Variants in TMPRSS11D observed in about 807,000 individuals in gnomAD.
TMPRSS11D encodes transmembrane serine protease 11D.
TMPRSS11D carries 32 observed loss-of-function variants against 44.4 expected under a neutral mutation model. The ratio of observed to expected loss-of-function variants is 0.72; its 90% CI spans 0.54 to 0.97. The LOEUF is 0.97. TMPRSS11D is among the 50% of genes least tolerant of loss of function. The probability of loss-of-function intolerance (pLI) is 0.00; values close to 1 mark genes in which losing one functional copy is unlikely to be tolerated. For synonymous variants in TMPRSS11D, 179 were observed against 177.9 expected (o/e 1.01, Z -0.05); for missense variants, 446 against 502.6 (o/e 0.89, Z 1.08).
At chr4:67,832,524 A>G (rs1717972127) in intron 7 of TMPRSS11D, among the ~76,000 whole-genome samples, 1 of 151,882 alleles carries the variant, frequency 6.6e-6, no homozygotes, top group Non-Finnish European at 1.5e-5. Context: ...AGTCACCTCA[A>G]TTAAGAATTC....
At chr4:67,854,769 G>C (rs1249046121) in intron 2 of TMPRSS11D, among the ~76,000 whole-genome samples, 2 of 152,174 alleles carry the variant, frequency 1.3e-5, no homozygotes, top group African/African-American at 2.4e-5. Flanking sequence ...GATTGAATCA[G>C]TAGTAAAATA....
At chr4:67,823,564 T>C (rs149998357) in intron 9 of TMPRSS11D, among the ~76,000 whole-genome samples, 23 of 152,272 alleles carry the variant, frequency 1.5e-4, no homozygotes, top group Non-Finnish European at 2.4e-4. Context: ...TAGCATATAG[T>C]ATAGTCAGTA....
intron 7 of TMPRSS11D, among the ~76,000 whole-genome samples, chr4:67,831,063 TA>T (rs1285271766): frequency 1.3e-5 from 2 of 152,066 alleles, no homozygotes; most frequent in Non-Finnish European, 2.9e-5. Flanking sequence ...TCTCCAGGAA[TA>T]AAAATATAAG....
intron 1 of TMPRSS11D, among the ~76,000 whole-genome samples, chr4:67,866,648 CA>C (rs1191466765): frequency 2.0e-5 from 3 of 151,884 alleles, no homozygotes; most frequent in African/African-American, 7.2e-5. Context: ...TCTCGGGATA[CA>C]AAATCAATGT....
chr4:67,852,319 C>G (rs558769726), intron 3 of TMPRSS11D, among the ~76,000 whole-genome samples: 46 of 152,242 alleles, frequency 3.0e-4, no homozygotes, highest in African/African-American at 1.1e-3. Context: ...GCACTGAAAG[C>G]TTTGAGTGGG....
At chr4:67,879,145 C>A (rs531149473) in intron 1 of TMPRSS11D, among the ~76,000 whole-genome samples, 1 of 152,022 alleles carries the variant, frequency 6.6e-6, no homozygotes, top group South Asian at 2.1e-4. Flanking sequence ...TGTAATATTG[C>A]AAACCATGAG....
intron 1 of TMPRSS11D, among the ~76,000 whole-genome samples, chr4:67,872,850 A>G (rs1309257630): frequency 6.6e-6 from 1 of 152,198 alleles, no homozygotes; most frequent in Non-Finnish European, 1.5e-5. Context: ...TGTTACACAT[A>G]ATGGTTAAAA....
chr4:67,862,120 T>C (rs987092724), intron 1 of TMPRSS11D, among the ~76,000 whole-genome samples: 1 of 152,132 alleles, frequency 6.6e-6, no homozygotes, highest in Non-Finnish European at 1.5e-5. Context: ...TCACTCTTTC[T>C]CTTTTTTATT....
chr4:67,872,052 G>T (rs1306202949), intron 1 of TMPRSS11D, among the ~76,000 whole-genome samples: 1 of 152,048 alleles, frequency 6.6e-6, no homozygotes, highest in African/African-American at 2.4e-5. Context: ...GTTAGTTAGG[G>T]ATAGCCCAAC....
chr4:67,878,126 T>G (rs1719238071), intron 1 of TMPRSS11D, among the ~76,000 whole-genome samples: 1 of 152,234 alleles, frequency 6.6e-6, no homozygotes, highest in Non-Finnish European at 1.5e-5. Context: ...CTTAATATAG[T>G]CTTCAAAAAC....
intron 1 of TMPRSS11D, among the ~76,000 whole-genome samples, chr4:67,871,846 TA>T (rs1308282238): frequency 6.6e-6 from 1 of 152,174 alleles, no homozygotes; most frequent in East Asian, 1.9e-4. Flanking sequence ...CAAAGGGAAA[TA>T]TTTTTTTCTG....
intron 3 of TMPRSS11D, among the ~76,000 whole-genome samples, chr4:67,846,301 A>ACAATATC (rs1718355710): frequency 6.6e-6 from 1 of 152,082 alleles, no homozygotes; most frequent in Non-Finnish European, 1.5e-5. Context: ...TACATTACTA[A>ACAATATC]CAATATCCAT....
chr4:67,880,605 T>C (rs2109707865), intron 1 of TMPRSS11D, among the ~76,000 whole-genome samples: 1 of 152,280 alleles, frequency 6.6e-6, no homozygotes, highest in South Asian at 2.1e-4. Flanking sequence ...AGGAAAAATA[T>C]ACTCGGTGGC....
intron 1 of TMPRSS11D, among the ~76,000 whole-genome samples, chr4:67,873,984 T>A (rs1310726180): frequency 6.6e-6 from 1 of 152,180 alleles, no homozygotes; most frequent in African/African-American, 2.4e-5. Context: ...ACAACATCTT[T>A]GTCAATCACA....
intron 1 of TMPRSS11D, among the ~76,000 whole-genome samples, chr4:67,877,446 C>T (rs926075570): frequency 1.3e-5 from 2 of 152,156 alleles, no homozygotes; most frequent in Admixed American, 1.3e-4. Context: ...CTGGGGGATT[C>T]AGAGAGAGAT....
chr4:67,849,229 G>A lies in TMPRSS11D; in HGVS notation c.249+4839C>T, dbSNP rs142539267. On this transcript the variant is annotated intron_variant, in intron 3 of 9. Coordinates refer to ENST00000283916, the MANE Select transcript of TMPRSS11D (RefSeq NM_004262.3). Reference sequence around the variant, plus strand: ...TTAATAGGGATAGGTATTGTTGGTGGAAAGCTAGGATGGTGTGGGGACATC... The same window carrying A: ...TTAATAGGGATAGGTATTGTTGGTGAAAAGCTAGGATGGTGTGGGGACATC... Among the ~76,000 whole-genome samples the A allele has an allele frequency of 4.1e-3, 621 of 152,306 alleles. 2 individuals are homozygous for A. The highest frequency in any genetic ancestry group is 7.2e-3 in the Non-Finnish European group (490 of 68,024).
At position 67,827,491 on chromosome 4, in the gene TMPRSS11D, G is replaced by T. The variant is rs374458233; in HGVS notation, c.722C>A (p.Thr241Lys). 3.1e-6 allele frequency: 5 copies of T among 1,608,398 alleles called. No homozygotes were observed. Among genetic ancestry groups the T allele is most frequent in the Non-Finnish European group, 4.2e-6 (5 of 1,176,922 alleles). The change falls in exon 8 of 10, where the codon ACG (threonine) becomes AAG (lysine). Residue 241 changes from threonine (T) to lysine (K), a missense_variant. Thr to Lys is a moderately conservative substitution (Grantham distance 78). Transcript: ENST00000283916. ...SNSNPRDWIATSGISTTFPKL... is the reference protein window; with the variant it reads ...SNSNPRDWIAKSGISTTFPKL... The stretch of plus-strand genomic sequence containing the variant: ...AGGAAATGTTGTGGAAATACCAGAC[G>T]TGGCAATCCAGTCACGAGGATTAGA...
At chr4:67,854,474 A>T (rs757663946) in intron 2 of TMPRSS11D, among the ~76,000 whole-genome samples, 1 of 152,138 alleles carries the variant, frequency 6.6e-6, no homozygotes, top group African/African-American at 2.4e-5. Context: ...CTATATTTTA[A>T]GGGAGATTTG....
chr4:67,833,260 A>G lies in TMPRSS11D; in HGVS notation c.636T>C (p.Cys212=), dbSNP rs755776110. ...VSLRLNNAHH[C]GGSLINNMWI... ...ACATGTTATTGATCAGGCTGCCTCC[A>G]CAGTGGTGGGCATTATTGAGCCGCA... The change falls in exon 7 of 10, where the codon TGT becomes TGC. Residue 212 remains cysteine, a synonymous_variant. Transcript: ENST00000283916. The G allele has an allele frequency of 1.5e-5, 24 of 1,587,668 alleles. No individual in the cohort carries two copies. Among genetic ancestry groups the G allele is most frequent in the Non-Finnish European group, 2.0e-5 (23 of 1,168,064 alleles).
Sources: allele counts gnomAD v4.1 joint callset (sites outside exome capture counted in the v4.1 genomes callset), GRCh38; gene constraint gnomAD v4.1.1; transcripts MANE v1.5; gene names NCBI Gene and HGNC (gene_info 2026-07-23, HGNC 2026-07-21).